Variants in TCF4 observed in about 807,000 individuals in gnomAD.
TCF4 encodes the protein SL3-3 enhancer factor 2.
A neutral mutation model predicts 82.1 loss-of-function variants in TCF4; 3 were observed. The observed-to-expected ratio is 0.04, with a 90% CI of 0.02 to 0.09. The LOEUF is 0.09. TCF4 is among the 10% of genes least tolerant of loss of function. The probability of loss-of-function intolerance (pLI) is 1.00; values close to 1 mark genes in which losing one functional copy is unlikely to be tolerated. For missense variants in TCF4, 518 were observed against 852.7 expected, an observed-to-expected ratio of 0.61 and a Z score of 4.89; for synonymous variants, 276 against 309.6, an observed-to-expected ratio of 0.89 and a Z score of 1.14.
chr18:55,559,542 C>A (rs1260502989), intron 3 of TCF4, among the ~76,000 whole-genome samples: 1 of 151,680 alleles, frequency 6.6e-6, no homozygotes, highest in East Asian at 1.9e-4. Context: ...AAAATTAACA[C>A]CAGTTAACAT....
intron 13 of TCF4, chr18:55,259,701 A>C (rs2057621756): frequency 2.0e-6 from 1 of 489,808 alleles, no homozygotes; most frequent in Non-Finnish European, 3.6e-6. Context: ...AAGTGTAAGA[A>C]ATACATTTTC....
chr18:55,318,023 A>C (rs1247143277), intron 8 of TCF4, among the ~76,000 whole-genome samples: 1 of 152,140 alleles, frequency 6.6e-6, no homozygotes, highest in Non-Finnish European at 1.5e-5. Context: ...GTATAAAGCA[A>C]AAAGAGCAAT....
chr18:55,422,280 C>T, intron 5 of TCF4: 4 of 985,358 alleles, frequency 4.1e-6, no homozygotes, highest in Non-Finnish European at 4.8e-6. Context: ...GATGAATAAA[C>T]TGTTGTGGCG....
chr18:55,438,142 A>T (rs1412664067), intron 5 of TCF4, among the ~76,000 whole-genome samples: 4 of 151,044 alleles, frequency 2.6e-5, no homozygotes, highest in African/African-American at 9.8e-5. Flanking sequence ...TGGAGGTTGC[A>T]GTGAGCAGAG....
intron 15 of TCF4, among the ~76,000 whole-genome samples, chr18:55,250,617 C>A (rs1234560752): frequency 2.0e-5 from 3 of 152,188 alleles, no homozygotes; most frequent in African/African-American, 7.2e-5. Context: ...TTATCATCCT[C>A]ACTGGGCTGT....
intron 8 of TCF4, among the ~76,000 whole-genome samples, chr18:55,335,729 TGTA>T (rs1337824907): frequency 1.3e-5 from 2 of 152,136 alleles, no homozygotes; most frequent in East Asian, 1.9e-4. Flanking sequence ...TAATAAAAAA[TGTA>T]GTCATATTTG....
chr18:55,461,661 T>C (rs1022225402), intron 4 of TCF4, among the ~76,000 whole-genome samples: 6 of 152,094 alleles, frequency 3.9e-5, no homozygotes, highest in African/African-American at 1.4e-4. Context: ...AATTAACACA[T>C]AAGAAAGTTA....
At chr18:55,634,871 A>T (rs1404901453) in intron 1 of TCF4, among the ~76,000 whole-genome samples, 1 of 152,240 alleles carries the variant, frequency 6.6e-6, no homozygotes. Flanking sequence ...TGAAGGAAGA[A>T]CCAAAAATGA....
chr18:55,418,519 C>T (rs2094601701), intron 5 of TCF4, among the ~76,000 whole-genome samples: 1 of 152,132 alleles, frequency 6.6e-6, no homozygotes, highest in African/African-American at 2.4e-5. Context: ...ACTGTTATGA[C>T]TCCTTATATT....
intron 8 of TCF4, chr18:55,321,903 G>A: frequency 1.4e-6 from 2 of 1,406,748 alleles, no homozygotes; most frequent in East Asian, 2.6e-5. Flanking sequence ...GGGCGGGGGA[G>A]GCCGCGGCGC....
At chr18:55,539,315 T>C (rs999339696) in intron 3 of TCF4, among the ~76,000 whole-genome samples, 1 of 152,184 alleles carries the variant, frequency 6.6e-6, no homozygotes, top group Admixed American at 6.5e-5. Context: ...CCAGAAAACA[T>C]GTCTGGCAAG....
intron 8 of TCF4, among the ~76,000 whole-genome samples, chr18:55,285,961 T>C (rs1380148860): frequency 6.6e-6 from 1 of 152,248 alleles, no homozygotes; most frequent in Non-Finnish European, 1.5e-5. Flanking sequence ...TACTATTGCA[T>C]ATTTCTTAAA....
intron 6 of TCF4, among the ~76,000 whole-genome samples, chr18:55,374,287 A>G (rs2090147198): frequency 6.6e-6 from 1 of 152,094 alleles, no homozygotes; most frequent in South Asian, 2.1e-4. Context: ...TAAAATTTAA[A>G]ATTTACTAAA....
chr18:55,571,184 CT>C (rs1284399306), intron 3 of TCF4, among the ~76,000 whole-genome samples: 3 of 152,136 alleles, frequency 2.0e-5, no homozygotes, highest in African/African-American at 7.2e-5. Context: ...GGTTCATCAA[CT>C]GGAACATGCA....
chr18:55,289,313 A>C (rs2064456705), intron 8 of TCF4, among the ~76,000 whole-genome samples: 1 of 152,222 alleles, frequency 6.6e-6, no homozygotes, highest in African/African-American at 2.4e-5. Context: ...TCACAACTCT[A>C]ATATGTTCTA....
intron 2 of TCF4, among the ~76,000 whole-genome samples, chr18:55,604,948 T>TGAA (rs1266407272): frequency 2.0e-5 from 3 of 152,104 alleles, no homozygotes; most frequent in African/African-American, 7.2e-5. Context: ...ATAAAACAAT[T>TGAA]GAAATTCCAG....
At chr18:55,601,070 A>G (rs1027881097) in intron 2 of TCF4, among the ~76,000 whole-genome samples, 1 of 152,228 alleles carries the variant, frequency 6.6e-6, no homozygotes, top group African/African-American at 2.4e-5. Context: ...ATTCTTTCCA[A>G]TAGACCTCAG....
chr18:55,363,206 G>A (rs537391127), intron 6 of TCF4, among the ~76,000 whole-genome samples: 6 of 152,004 alleles, frequency 3.9e-5, no homozygotes, highest in South Asian at 2.1e-4. Context: ...AGCAATGTGC[G>A]GCTGCTGCCA....
intron 3 of TCF4, among the ~76,000 whole-genome samples, chr18:55,522,464 GAC>G (rs956098905): frequency 2.0e-5 from 3 of 152,064 alleles, no homozygotes; most frequent in African/African-American, 4.8e-5. Context: ...CATCACATTT[GAC>G]AGTTATATAA....
Sources: gnomAD v4.1 joint callset for allele counts (sites outside exome capture counted in the v4.1 genomes callset) on GRCh38, gnomAD v4.1.1 for gene constraint, MANE v1.5 for transcripts, NCBI Gene and HGNC (gene_info 2026-07-23, HGNC 2026-07-21) for gene names.